SHISAL1: variants seen among roughly 807,000 people sequenced by gnomAD.
The protein encoded by SHISAL1 is shisa like 1, also known as protein shisa-like-1.
A neutral mutation model predicts 22.6 loss-of-function variants in SHISAL1; 9 were observed. The observed-to-expected ratio is 0.40, with a 90% CI of 0.24 to 0.70. SHISAL1 has a LOEUF of 0.70. Ranked by LOEUF, SHISAL1 falls within the 30% of genes least tolerant of loss-of-function variation. The pLI is 0.39. For missense variants in SHISAL1, 246 were observed against 270.6 expected, an observed-to-expected ratio of 0.91 and a Z score of 0.64; for synonymous variants, 119 against 115.4, an observed-to-expected ratio of 1.03 and a Z score of -0.20.
rs983984733 is a variant in SHISAL1, at chr22:44,310,735, A to G, written c.-33+2016T>C. Reference sequence around the variant, plus strand: ...GCAAATGAAATTGTGTTTGAACTCCATGTCTACGTCTGATTTCCCCAGTTC... The same window carrying G: ...GCAAATGAAATTGTGTTTGAACTCCGTGTCTACGTCTGATTTCCCCAGTTC... On this transcript the variant is annotated intron_variant, in intron 1 of 4. Transcript: ENST00000381176. This position sits in a 1 kb window ranked among gnomAD's most constrained non-coding sequence, Gnocchi z 4.0. 1.3e-5 allele frequency among the ~76,000 whole-genome samples: 2 copies of G among 152,036 alleles called. No homozygotes were observed. Among genetic ancestry groups the G allele is most frequent in the Admixed American group, 6.5e-5 (1 of 15,268 alleles).
At chr22:44,306,665 GCT>G (rs2055478706) in intron 1 of SHISAL1, among the ~76,000 whole-genome samples, 1 of 134,398 alleles carries the variant, frequency 7.4e-6, no homozygotes, top group African/African-American at 2.8e-5. Context: ...GGCTCGGGGA[GCT>G]GTGATGACGA....
At chr22:44,290,671 G>A (rs2147294726) in intron 3 of SHISAL1, among the ~76,000 whole-genome samples, 1 of 152,226 alleles carries the variant, frequency 6.6e-6, no homozygotes, top group South Asian at 2.1e-4. Context: ...TCCCAGCTTG[G>A]CAAAATTCTC....
intron 4 of SHISAL1, among the ~76,000 whole-genome samples, chr22:44,271,302 C>T (rs1322193595): frequency 6.6e-6 from 1 of 152,206 alleles, no homozygotes; most frequent in African/African-American, 2.4e-5. Context: ...CCAGCTATTC[C>T]TGAAGCCATA....
chr22:44,258,901 G>A (rs964990404), intron 4 of SHISAL1, among the ~76,000 whole-genome samples: 5 of 152,144 alleles, frequency 3.3e-5, no homozygotes, highest in Non-Finnish European at 7.4e-5. Context: ...GAGGGTTGGG[G>A]GGTCAGGGGG....
chr22:44,282,593 G>A (rs986259429), intron 4 of SHISAL1, among the ~76,000 whole-genome samples: 6 of 152,332 alleles, frequency 3.9e-5, no homozygotes, highest in East Asian at 1.9e-4. Flanking sequence ...GGATTCATTC[G>A]CAGGAGAAAG....
At chr22:44,275,146 G>A (rs192570874) in intron 4 of SHISAL1, among the ~76,000 whole-genome samples, 174 of 152,274 alleles carry the variant, frequency 1.1e-3, no homozygotes, top group African/African-American at 4.0e-3. Flanking sequence ...CTGTTCTGCC[G>A]GGCCCTCCTC....
At chr22:44,293,325 G>C (rs1259693494) in intron 3 of SHISAL1, among the ~76,000 whole-genome samples, 3 of 152,196 alleles carry the variant, frequency 2.0e-5, no homozygotes, top group African/African-American at 7.2e-5. Flanking sequence ...GACAAGGGAT[G>C]GGATCTCCCC....
At chr22:44,274,281 C>T (rs570191470) in intron 4 of SHISAL1, among the ~76,000 whole-genome samples, 34 of 152,190 alleles carry the variant, frequency 2.2e-4, no homozygotes, top group African/African-American at 8.2e-4. Context: ...AATAGGGGCA[C>T]CCCATGCTGG....
intron 3 of SHISAL1, 89 bp downstream of exon 3, chr22:44,296,583 A>C (rs2055387464): frequency 8.6e-7 from 1 of 1,165,024 alleles, no homozygotes; most frequent in African/African-American, 1.5e-5. Flanking sequence ...CGGTTACCCA[A>C]CCGCCTCCCT....
chr22:44,274,061 C>T (rs1366371351), intron 4 of SHISAL1, among the ~76,000 whole-genome samples: 1 of 137,308 alleles, frequency 7.3e-6, no homozygotes, highest in East Asian at 2.6e-4. Flanking sequence ...CCCCCCCTCC[C>T]CCCCACCCAC....
chr22:44,249,559 T>C lies in SHISAL1; in HGVS notation c.*126A>G, dbSNP rs2055031752. Reference sequence around the variant, plus strand: ...AGGGGGCTTTGGGCACAGGCAGCATTTCCTCCTGTGCCACCGCCGCTACCT... The same window carrying C: ...AGGGGGCTTTGGGCACAGGCAGCATCTCCTCCTGTGCCACCGCCGCTACCT... On this transcript the variant is annotated 3_prime_UTR_variant, in exon 5 of 5. Transcript: ENST00000381176. The C allele has an allele frequency of 1.4e-6, 1 of 716,486 alleles. No individual in the cohort carries two copies. Among genetic ancestry groups the C allele is most frequent in the Non-Finnish European group, 2.6e-6 (1 of 386,968 alleles). The allele number at this position is 716,486 out of a possible 1,614,324, so 44.4% of individuals were successfully genotyped here. A position where few individuals can be genotyped will look rare whatever the true frequency, so the allele number is the denominator to read the frequency against.
chr22:44,300,310 G>A (rs2055419291), intron 2 of SHISAL1, among the ~76,000 whole-genome samples: 1 of 152,178 alleles, frequency 6.6e-6, no homozygotes, highest in South Asian at 2.1e-4. Context: ...CTGGGAGCAG[G>A]CCCTGGCTGG....
At chr22:44,325,950 T>G in the SHISAL1 span, among the ~76,000 whole-genome samples, 1 of 151,784 alleles carries the variant, frequency 6.6e-6, no homozygotes. Context: ...CCCTGACCCC[T>G]CTCAGGGGCT....
intron 4 of SHISAL1, among the ~76,000 whole-genome samples, chr22:44,255,801 C>G (rs2055080444): frequency 6.6e-6 from 1 of 152,218 alleles, no homozygotes; most frequent in Admixed American, 6.5e-5. Context: ...CTATTCCTCA[C>G]TCTTTTCATT....
chr22:44,303,622 C>G (rs12163406), intron 1 of SHISAL1, among the ~76,000 whole-genome samples: 143,946 of 152,260 alleles, frequency 0.95, 68,064 homozygotes, highest in East Asian at 1. Context: ...CAGGCTGAGA[C>G]AGTAAATTCC....
At chr22:44,302,106 C>T (rs990129304) in intron 1 of SHISAL1, among the ~76,000 whole-genome samples, 29 of 152,094 alleles carry the variant, frequency 1.9e-4, no homozygotes, top group African/African-American at 4.3e-4. Flanking sequence ...TTTGGGAGGC[C>T]GAGGCTGGCG....
intron 1 of SHISAL1, among the ~76,000 whole-genome samples, chr22:44,301,299 TG>T (rs1196813908): frequency 1.3e-5 from 2 of 152,198 alleles, no homozygotes; most frequent in Non-Finnish European, 2.9e-5. Context: ...GGAGTGAGGA[TG>T]CCCGGGCTGG....
At chr22:44,277,514 G>A (rs761067135) in intron 4 of SHISAL1, among the ~76,000 whole-genome samples, 2 of 151,470 alleles carry the variant, frequency 1.3e-5, no homozygotes, top group South Asian at 4.2e-4. Context: ...TATTCAAACC[G>A]AGGCCAGCTT....
chr22:44,263,079 C>CTTTCTTTCTT (rs55901041), intron 4 of SHISAL1, among the ~76,000 whole-genome samples: 2 of 88,252 alleles, frequency 2.3e-5, no homozygotes, highest in Non-Finnish European at 4.3e-5. Context: ...TTCTTTCTTT[C>CTTTCTTTCTT]TTTTTTTTTT....
Sources: gnomAD v4.1 joint callset for allele counts (sites outside exome capture counted in the v4.1 genomes callset) on GRCh38, gnomAD v4.1.1 for gene constraint, Gnocchi (gnomAD v3.1) non-coding constraint, MANE v1.5 for transcripts, NCBI Gene and HGNC (gene_info 2026-07-23, HGNC 2026-07-21) for gene names.